The following SPOCK3 variants were observed in gnomAD, a reference collection of about 807,000 sequenced individuals.
SPOCK3 encodes testican-3.
Under a neutral mutation model 56.6 loss-of-function variants are expected in SPOCK3, and 30 were observed. The ratio of observed to expected loss-of-function variants is 0.53; its 90% CI spans 0.40 to 0.72. The LOEUF is 0.72. Among genes scored for constraint, SPOCK3 ranks in the 30% least tolerant of loss-of-function variants. The pLI, the probability that SPOCK3 is intolerant of heterozygous loss-of-function variation, is 0.00. For missense variants in SPOCK3, 527 were observed against 530.0 expected (o/e 0.99, Z 0.06); for synonymous variants, 196 against 183.3 (o/e 1.07, Z -0.56).
Position 166,879,095 on chromosome 4 carries a change from C to T in SPOCK3, c.589+10035G>A, listed in dbSNP as rs539175254. ...GTGACAAACCTGGGGTAAAATCAGC[C>T]TGTTAATTAAAAAAAATATATATGC... On this transcript the variant is annotated intron_variant, in intron 6 of 10. Transcript: ENST00000357545. Among the ~76,000 whole-genome samples the T allele has an allele frequency of 1.0e-3, 155 of 152,124 alleles. 2 individuals are homozygous for T. The South Asian group carries it at 0.022, about 21-fold the overall frequency.
At chr4:167,173,176 G>A (rs547571456) in intron 2 of SPOCK3, among the ~76,000 whole-genome samples, 5 of 152,194 alleles carry the variant, frequency 3.3e-5, no homozygotes, top group South Asian at 4.2e-4. Flanking sequence ...ATGGATACCC[G>A]TAAGCACTTT....
At chr4:167,006,811 G>T (rs17052752) in intron 3 of SPOCK3, among the ~76,000 whole-genome samples, 3,984 of 152,058 alleles carry the variant, frequency 0.026, 158 homozygotes, top group African/African-American at 0.09. Context: ...CTAGCTACGG[G>T]TATTGTTTCC....
At position 167,181,927 on chromosome 4, in the gene SPOCK3, C is replaced by T. The variant is rs74693987; in HGVS notation, c.189+52058G>A. On this transcript the variant is annotated intron_variant, in intron 2 of 10. Coordinates refer to ENST00000357545, the MANE Select transcript of SPOCK3 (RefSeq NM_001040159.2). ...ACTGAAATGTAAGTACCATGAAGTC[C>T]CCTGTAGTATCCCCACCCAGCACAT... 3.0e-4 allele frequency among the ~76,000 whole-genome samples: 46 copies of T among 152,114 alleles called. No individual in the cohort carries two copies. The East Asian group carries it at 5.6e-3, about 19-fold the overall frequency.
intron 6 of SPOCK3, among the ~76,000 whole-genome samples, chr4:166,805,971 G>C (rs1294694439): frequency 6.6e-6 from 1 of 151,970 alleles, no homozygotes; most frequent in African/African-American, 2.4e-5. Context: ...GCTGTTTGCG[G>C]GAAAGCACAA....
intron 8 of SPOCK3, 179 bp downstream of exon 8, chr4:166,754,328 TG>T: frequency 3.0e-6 from 4 of 1,350,716 alleles, no homozygotes; most frequent in Non-Finnish European, 3.8e-6. Context: ...TAGCATGTGT[TG>T]TATCTCTGGC....
chr4:166,795,327 A>T (rs1741820844), intron 6 of SPOCK3, among the ~76,000 whole-genome samples: 1 of 152,210 alleles, frequency 6.6e-6, no homozygotes, highest in South Asian at 2.1e-4. Flanking sequence ...GTATAGTCGC[A>T]TCCCAGATTC....
intron 6 of SPOCK3, among the ~76,000 whole-genome samples, chr4:166,888,784 C>T (rs998092935): frequency 6.6e-6 from 1 of 151,770 alleles, no homozygotes; most frequent in African/African-American, 2.4e-5. Flanking sequence ...TTACTTACTA[C>T]TTTATCAATA....
At chr4:167,000,957 G>A (rs962340689) in intron 3 of SPOCK3, among the ~76,000 whole-genome samples, 3 of 152,192 alleles carry the variant, frequency 2.0e-5, no homozygotes, top group African/African-American at 7.2e-5. Context: ...TGTATTTGGA[G>A]ACTGGATGAA....
At chr4:167,225,471 A>C (rs1052190819) in intron 2 of SPOCK3, among the ~76,000 whole-genome samples, 15 of 152,104 alleles carry the variant, frequency 9.9e-5, no homozygotes, top group African/African-American at 3.6e-4. Context: ...AACTTTATGA[A>C]GACTTTTTAC....
chr4:167,107,211 A>G (rs1435117639), intron 2 of SPOCK3, among the ~76,000 whole-genome samples: 1 of 151,960 alleles, frequency 6.6e-6, no homozygotes, highest in Non-Finnish European at 1.5e-5. Flanking sequence ...AAAGAAAACT[A>G]CAAGCCAATA....
intron 6 of SPOCK3, among the ~76,000 whole-genome samples, chr4:166,852,177 T>C (rs1392369498): frequency 6.6e-6 from 1 of 151,990 alleles, no homozygotes; most frequent in Non-Finnish European, 1.5e-5. Flanking sequence ...GCGATAGCAT[T>C]GGGAGATATG....
intron 2 of SPOCK3, chr4:167,119,963 T>A: frequency 1.3e-6 from 1 of 752,396 alleles, no homozygotes; most frequent in Non-Finnish European, 2.1e-6. Flanking sequence ...TAGCTACATT[T>A]AAAAATGGGT....
chr4:166,778,656 C>T (rs1739834079), intron 7 of SPOCK3, among the ~76,000 whole-genome samples: 1 of 151,898 alleles, frequency 6.6e-6, no homozygotes, highest in East Asian at 1.9e-4. Flanking sequence ...TTAGGTTCCA[C>T]TTTCAGTAAT....
At chr4:167,070,139 C>A (rs377683489) in intron 2 of SPOCK3, among the ~76,000 whole-genome samples, 1 of 151,866 alleles carries the variant, frequency 6.6e-6, no homozygotes, top group East Asian at 1.9e-4. Context: ...AACATAATTA[C>A]AAACACAACA....
intron 4 of SPOCK3, among the ~76,000 whole-genome samples, chr4:166,980,604 C>A (rs1026479006): frequency 6.6e-6 from 1 of 152,236 alleles, no homozygotes; most frequent in Non-Finnish European, 1.5e-5. Context: ...AGGGTGCTTG[C>A]ATGAGCAAGC....
intron 7 of SPOCK3, among the ~76,000 whole-genome samples, chr4:166,771,730 A>G (rs1738953360): frequency 6.6e-6 from 1 of 152,082 alleles, no homozygotes; most frequent in African/African-American, 2.4e-5. Context: ...GCTTTCCTCA[A>G]ATAGAGTGAG....
At chr4:167,223,026 ATAT>A (rs1295489346) in intron 2 of SPOCK3, among the ~76,000 whole-genome samples, 1 of 121,322 alleles carries the variant, frequency 8.2e-6, no homozygotes, top group Non-Finnish European at 1.6e-5. Flanking sequence ...TGAATATATA[ATAT>A]ATTATATTTT....
At chr4:166,837,627 A>T (rs950489463) in intron 6 of SPOCK3, among the ~76,000 whole-genome samples, 2 of 152,198 alleles carry the variant, frequency 1.3e-5, no homozygotes, top group African/African-American at 4.8e-5. Flanking sequence ...TAACGTCGTA[A>T]ATATTTCTTT....
chr4:166,864,736 A>C (rs1731609297), intron 6 of SPOCK3, among the ~76,000 whole-genome samples: 1 of 152,164 alleles, frequency 6.6e-6, no homozygotes, highest in Admixed American at 6.5e-5. Flanking sequence ...AACCAGGAAG[A>C]AGTCAAATCC....
Sources: gnomAD v4.1 joint callset for allele counts (sites outside exome capture counted in the v4.1 genomes callset) on GRCh38, gnomAD v4.1.1 for gene constraint, MANE v1.5 for transcripts, NCBI Gene and HGNC (gene_info 2026-07-23, HGNC 2026-07-21) for gene names.